Variants in ZCWPW2 observed in about 807,000 individuals in gnomAD.
ZCWPW2 encodes the protein zinc finger CW-type PWWP domain protein 2.
A neutral mutation model predicts 46.6 loss-of-function variants in ZCWPW2; 45 were observed. That is an observed-to-expected ratio of 0.96 (90% CI 0.76 to 1.24). ZCWPW2 has a LOEUF of 1.24. ZCWPW2 is among the 50% of genes most tolerant of loss of function. The pLI is 0.00. For synonymous variants in ZCWPW2, 152 were observed against 137.1 expected (o/e 1.11, Z -0.76); for missense variants, 429 against 403.9 (o/e 1.06, Z -0.53).
At chr3:28,486,956 G>A (rs1699619460) in intron 5 of ZCWPW2, among the ~76,000 whole-genome samples, 1 of 151,274 alleles carries the variant, frequency 6.6e-6, no homozygotes, top group Non-Finnish European at 1.5e-5. Flanking sequence ...CTCTTTTATC[G>A]ATTGCATGGT....
chr3:28,505,407 A>C (rs930503630), intron 6 of ZCWPW2, among the ~76,000 whole-genome samples: 2 of 152,194 alleles, frequency 1.3e-5, no homozygotes, highest in African/African-American at 4.8e-5. Flanking sequence ...ATTGACATTT[A>C]TATAAGAAAC....
intron 3 of ZCWPW2, chr3:28,428,395 G>C (rs1697108679): frequency 1.3e-5 from 2 of 152,126 alleles, no homozygotes; most frequent in Non-Finnish European, 2.9e-5. Flanking sequence ...AGGCACAAGA[G>C]CCATAGGACT....
chr3:28,445,712 G>T (rs1194975739), intron 4 of ZCWPW2, among the ~76,000 whole-genome samples: 1 of 152,032 alleles, frequency 6.6e-6, no homozygotes, highest in South Asian at 2.1e-4. Flanking sequence ...ATTTAAATGG[G>T]TTAAACTCCC....
chr3:28,464,124 G>C (rs1698738724), intron 4 of ZCWPW2, among the ~76,000 whole-genome samples: 1 of 151,862 alleles, frequency 6.6e-6, no homozygotes, highest in South Asian at 2.1e-4. Flanking sequence ...GTGTTTTTTT[G>C]TTTATTTTAT....
intron 5 of ZCWPW2, among the ~76,000 whole-genome samples, chr3:28,485,343 TC>T (rs1241530696): frequency 6.6e-6 from 1 of 152,152 alleles, no homozygotes; most frequent in African/African-American, 2.4e-5. Flanking sequence ...TCTGAGTGTT[TC>T]ATGTGGGCAT....
intron 1 of ZCWPW2, among the ~76,000 whole-genome samples, chr3:28,378,394 G>A (rs771457281): frequency 7.2e-5 from 11 of 151,814 alleles, no homozygotes; most frequent in Non-Finnish European, 1.2e-4. Context: ...TATCTAACTA[G>A]AAATATAACT....
At chr3:28,353,461 C>T (rs9865722) in intron 1 of ZCWPW2, among the ~76,000 whole-genome samples, 11,207 of 152,090 alleles carry the variant, frequency 0.074, 699 homozygotes, top group African/African-American at 0.17. Context: ...ATCCAGTTCC[C>T]AGCTGCTAAA....
intron 1 of ZCWPW2, among the ~76,000 whole-genome samples, chr3:28,360,549 A>G (rs1324306798): frequency 6.6e-6 from 1 of 151,584 alleles, no homozygotes; most frequent in Admixed American, 6.6e-5. Context: ...TTCTGTTTGT[A>G]TGCATCTAAA....
intron 4 of ZCWPW2, among the ~76,000 whole-genome samples, chr3:28,474,625 G>A (rs953601695): frequency 2.0e-5 from 3 of 149,012 alleles, no homozygotes; most frequent in Non-Finnish European, 3.0e-5. Context: ...GTGTGTGCGC[G>A]CGCGCGCGCG....
At chr3:28,349,732 TAAAC>T (rs1014409621) in intron 1 of ZCWPW2, among the ~76,000 whole-genome samples, 1 of 151,374 alleles carries the variant, frequency 6.6e-6, no homozygotes, top group African/African-American at 2.4e-5. Context: ...AATAAACAAA[TAAAC>T]AAGGAACAAT....
intron 4 of ZCWPW2, among the ~76,000 whole-genome samples, chr3:28,438,702 A>T (rs991800568): frequency 6.6e-6 from 1 of 152,186 alleles, no homozygotes. Flanking sequence ...GTCCCTGACA[A>T]AAACTTGATG....
At chr3:28,417,317 A>G (rs1449549741) in intron 3 of ZCWPW2, among the ~76,000 whole-genome samples, 4 of 152,188 alleles carry the variant, frequency 2.6e-5, no homozygotes, top group African/African-American at 4.8e-5. Flanking sequence ...TAAACAAGAT[A>G]GAAGTTGAAT....
At chr3:28,451,288 C>A (rs1352525056) in intron 4 of ZCWPW2, among the ~76,000 whole-genome samples, 1 of 152,176 alleles carries the variant, frequency 6.6e-6, no homozygotes, top group Non-Finnish European at 1.5e-5. Flanking sequence ...TAGACATCAT[C>A]ACTATTTGAC....
chr3:28,350,360 G>A (rs898856860), intron 1 of ZCWPW2, among the ~76,000 whole-genome samples: 4 of 151,988 alleles, frequency 2.6e-5, no homozygotes, highest in Non-Finnish European at 5.9e-5. Flanking sequence ...AAAAGGCAGG[G>A]GACATCATTT....
chr3:28,475,388 A>T (rs1424976514), intron 4 of ZCWPW2, among the ~76,000 whole-genome samples: 1 of 152,198 alleles, frequency 6.6e-6, no homozygotes, highest in East Asian at 1.9e-4. Flanking sequence ...CATTTCTTGC[A>T]TAAATTATTG....
chr3:28,414,144 G>GATT (rs1404207182), intron 3 of ZCWPW2, among the ~76,000 whole-genome samples: 3 of 151,542 alleles, frequency 2.0e-5, no homozygotes, highest in Admixed American at 2.0e-4. Context: ...ATTACTTATG[G>GATT]TGGCTATTTG....
chr3:28,452,451 G>C lies in ZCWPW2; in HGVS notation c.492+17182G>C, dbSNP rs537099045. 7.2e-5 allele frequency among the ~76,000 whole-genome samples: 11 copies of C among 152,054 alleles called. No homozygotes were observed. The East Asian group carries it at 2.1e-3, about 30-fold the overall frequency. On this transcript the variant is annotated intron_variant, in intron 4 of 9. Coordinates refer to ENST00000383768, the MANE Select transcript of ZCWPW2 (RefSeq NM_001040432.4). ...GCAGGGATTACAGGTGCCTGCCACC[G>C]TGCCTGGCTAATTTTTGTAGTTTTA...
intron 1 of ZCWPW2, among the ~76,000 whole-genome samples, chr3:28,358,844 C>T (rs1559472143): frequency 6.6e-6 from 1 of 151,976 alleles, no homozygotes; most frequent in South Asian, 2.1e-4. Flanking sequence ...TTACCCCCCC[C>T]AACAATCCTT....
chr3:28,492,472 A>G (rs1384685647), intron 6 of ZCWPW2, among the ~76,000 whole-genome samples: 1 of 152,072 alleles, frequency 6.6e-6, no homozygotes, highest in East Asian at 1.9e-4. Context: ...ATACTAAAAT[A>G]TTTTCATATA....
Sources: allele counts gnomAD v4.1 joint callset (sites outside exome capture counted in the v4.1 genomes callset), GRCh38; gene constraint gnomAD v4.1.1; transcripts MANE v1.5; gene names NCBI Gene and HGNC (gene_info 2026-07-23, HGNC 2026-07-21).